The following CNKSR3 variants were observed in gnomAD, a reference collection of about 807,000 sequenced individuals.
The protein encoded by CNKSR3 is connector enhancer of kinase suppressor of ras 3.
In CNKSR3, 36 loss-of-function variants were observed where a neutral mutation model predicts 67.7. The ratio of observed to expected loss-of-function variants is 0.53; its 90% confidence interval spans 0.41 to 0.70. The LOEUF is 0.70. Among genes scored for constraint, CNKSR3 ranks in the 30% least tolerant of loss-of-function variants. The probability of loss-of-function intolerance (pLI) is 0.00; values close to 1 mark genes in which losing one functional copy is unlikely to be tolerated. For missense variants in CNKSR3, 630 were observed against 695.2 expected, an observed-to-expected ratio of 0.91 and a Z score of 1.05; for synonymous variants, 281 against 271.4, an observed-to-expected ratio of 1.04 and a Z score of -0.35.
chr6:154,486,253 A>C (rs1786662631), intron 1 of CNKSR3, among the ~76,000 whole-genome samples: 2 of 151,576 alleles, frequency 1.3e-5, no homozygotes, highest in African/African-American at 4.9e-5. Context: ...ACAGCATGAC[A>C]TTTAAAAAGG....
chr6:154,414,563 T>A lies in CNKSR3; in HGVS notation c.946-140A>T. 4.7e-6 allele frequency: 4 copies of A among 856,964 alleles called. No homozygotes were observed. In the Admixed American group the frequency reaches 5.8e-5, roughly 12 times the overall value. 53.1% of individuals were successfully genotyped at this position (856,964 alleles called of 1,614,324 possible). A position where few individuals can be genotyped will look rare whatever the true frequency, so the allele number is the denominator to read the frequency against. ...AGGTCATTCATGTGTTTACAGATAT[T>A]GGCAATATTTAACTTACATTCTTCT... is the stretch of plus-strand genomic sequence containing the variant. On this transcript the variant is annotated intron_variant, in intron 9 of 12. Transcript: ENST00000607772.
chr6:154,498,648 C>T lies in CNKSR3; in HGVS notation c.52+11415G>A, dbSNP rs1786924248. On this transcript the variant is annotated intron_variant, in intron 1 of 12. Coordinates refer to ENST00000607772, the MANE Select transcript of CNKSR3 (RefSeq NM_173515.4). ...TCTCAGTGTGATTCCTGTTACAAGT[C>T]TCAGGGCCATTCCTGGTCTTTGGTG... 1.3e-5 allele frequency among the ~76,000 whole-genome samples: 2 copies of T among 152,224 alleles called. 1 individual carries two copies. The highest frequency in any genetic ancestry group is 1.3e-4 in the Admixed American group (2 of 15,288).
At chr6:154,480,599 C>A (rs895737680) in intron 1 of CNKSR3, among the ~76,000 whole-genome samples, 3 of 152,218 alleles carry the variant, frequency 2.0e-5, no homozygotes, top group Non-Finnish European at 4.4e-5. Flanking sequence ...GAATTTAAAT[C>A]TAGTGTCTGA....
intron 1 of CNKSR3, among the ~76,000 whole-genome samples, chr6:154,503,638 T>G (rs1333575146): frequency 9.4e-6 from 1 of 106,494 alleles, no homozygotes; most frequent in African/African-American, 3.9e-5. Flanking sequence ...CTGCCTCTTA[T>G]TTAAAAAAAA....
In CNKSR3 at chr6:154,423,093, C is replaced by T. The variant is rs74907065; in HGVS notation, c.730-110G>A. 1,179 of 739,340 alleles carry T rather than the reference C, an allele frequency of 1.6e-3. 10 individuals carry two copies. In the African/African-American group the frequency reaches 0.019, roughly 12 times the overall value. 45.8% of individuals were successfully genotyped at this position (739,340 alleles called of 1,614,324 possible). On this transcript the variant is annotated intron_variant, in intron 7 of 12. Transcript: ENST00000607772. ...ATTAGCAACTGAAATAACATTTTCT[C>T]AGGAAAAATAAAACAATGCACTTTA...
chr6:154,427,708 TA>T (rs751723913), intron 7 of CNKSR3, among the ~76,000 whole-genome samples: 2 of 152,126 alleles, frequency 1.3e-5, no homozygotes, highest in African/African-American at 2.4e-5. Flanking sequence ...AAATATGTTG[TA>T]AAAAATCCTG....
chr6:154,464,680 C>A (rs1786155257), intron 1 of CNKSR3, among the ~76,000 whole-genome samples: 1 of 149,928 alleles, frequency 6.7e-6, no homozygotes, highest in Non-Finnish European at 1.5e-5. Context: ...TGCACCACTG[C>A]ACTCCAGCCT....
At chr6:154,509,690 C>A (rs1302786771) in intron 1 of CNKSR3, among the ~76,000 whole-genome samples, 1 of 152,166 alleles carries the variant, frequency 6.6e-6, no homozygotes, top group Non-Finnish European at 1.5e-5. Context: ...GCACCTTGTG[C>A]CTCTGCACTC....
At chr6:154,415,740 A>C (rs1428563743) in intron 9 of CNKSR3, among the ~76,000 whole-genome samples, 1 of 152,358 alleles carries the variant, frequency 6.6e-6, no homozygotes, top group East Asian at 1.9e-4. Context: ...ACATATATGC[A>C]TTCATATATA....
intron 1 of CNKSR3, among the ~76,000 whole-genome samples, chr6:154,451,493 ACGCATACATGCACACACACG>A (rs1167011223): frequency 7.1e-5 from 1 of 14,080 alleles, no homozygotes; most frequent in Non-Finnish European, 1.2e-4. Context: ...ACACGCACAC[ACGCATACATGCACACACACG>A]CGCACACTCG....
At chr6:154,441,242 CA>C (rs34887626) in intron 4 of CNKSR3, 49 bp downstream of exon 4, 61,784 of 833,206 alleles carry the variant, frequency 0.074, 343 homozygotes, top group African/African-American at 0.17. Flanking sequence ...AGAGGAAAAG[CA>C]AAAAAAAAAA....
intron 7 of CNKSR3, among the ~76,000 whole-genome samples, chr6:154,427,848 T>C (rs1250206214): frequency 6.6e-6 from 1 of 152,216 alleles, no homozygotes; most frequent in African/African-American, 2.4e-5. Flanking sequence ...TTTGTATTTA[T>C]GGCTTAACAC....
At chr6:154,423,309 G>C (rs996227612) in intron 7 of CNKSR3, among the ~76,000 whole-genome samples, 15 of 152,206 alleles carry the variant, frequency 9.9e-5, no homozygotes, top group African/African-American at 3.6e-4. Context: ...CTGTCACCCA[G>C]GCTGGAGGGC....
chr6:154,482,059 G>A (rs1316650094), intron 1 of CNKSR3, among the ~76,000 whole-genome samples: 2 of 152,070 alleles, frequency 1.3e-5, no homozygotes, highest in Non-Finnish European at 2.9e-5. Flanking sequence ...CTACTTCTCG[G>A]CACTAAAATT....
intron 9 of CNKSR3, among the ~76,000 whole-genome samples, chr6:154,419,347 G>A (rs570530999): frequency 3.3e-5 from 5 of 152,162 alleles, no homozygotes; most frequent in African/African-American, 4.8e-5. Context: ...AGCCAGCCCC[G>A]AATAGACATT....
At chr6:154,467,756 T>TAA (rs397713019) in intron 1 of CNKSR3, among the ~76,000 whole-genome samples, 25 of 151,598 alleles carry the variant, frequency 1.6e-4, no homozygotes, top group African/African-American at 5.3e-4. Flanking sequence ...TATATATATA[T>TAA]CATTTTTGTT....
chr6:154,410,502 T>C, intron 11 of CNKSR3, 70 bp from the exon 12 acceptor site: 2 of 1,039,136 alleles, frequency 1.9e-6, no homozygotes, highest in Non-Finnish European at 3.0e-6. Flanking sequence ...GTTCCCTTTA[T>C]GTATAACTTA....
chr6:154,414,874 T>C (rs538008125), intron 9 of CNKSR3: 2 of 459,258 alleles, frequency 4.4e-6, no homozygotes, highest in East Asian at 1.4e-4. Flanking sequence ...GGACAATGGA[T>C]TGCTTGAGCT....
chr6:154,496,713 G>C (rs948305285), intron 1 of CNKSR3, among the ~76,000 whole-genome samples: 2 of 152,188 alleles, frequency 1.3e-5, no homozygotes, highest in African/African-American at 2.4e-5. Flanking sequence ...ATTTACAAGA[G>C]CCCAATCATA....
Sources: allele counts gnomAD v4.1 joint callset (sites outside exome capture counted in the v4.1 genomes callset), GRCh38; gene constraint gnomAD v4.1.1; transcripts MANE v1.5; gene names NCBI Gene and HGNC (gene_info 2026-07-23, HGNC 2026-07-21).